LRRC4C: variants seen among roughly 807,000 people sequenced by gnomAD.
LRRC4C encodes the protein leucine rich repeat containing 4C, also known as leucine-rich repeat-containing protein 4C.
A neutral mutation model predicts 33.6 loss-of-function variants in LRRC4C; 5 were observed. The observed-to-expected ratio is 0.15, with a 90% CI of 0.08 to 0.31. LRRC4C has a LOEUF of 0.31. Ranked by LOEUF, LRRC4C falls within the 10% of genes least tolerant of loss-of-function variation. The pLI is 1.00. For synonymous variants in LRRC4C, 329 were observed against 302.0 expected (o/e 1.09, Z -0.93); for missense variants, 560 against 796.7 (o/e 0.70, Z 3.58).
intron 6 of LRRC4C, among the ~76,000 whole-genome samples, chr11:40,136,171 G>T (rs1199497028): frequency 6.6e-6 from 1 of 151,780 alleles, no homozygotes; most frequent in East Asian, 1.9e-4. Context: ...CTGAGTGGTT[G>T]TGATAAACTG....
At chr11:40,786,874 A>G (rs1009777366) in intron 2 of LRRC4C, among the ~76,000 whole-genome samples, 12 of 151,428 alleles carry the variant, frequency 7.9e-5, no homozygotes, top group African/African-American at 2.9e-4. Context: ...TCCAGAAAAC[A>G]TTTGTAATAA....
intron 1 of LRRC4C, among the ~76,000 whole-genome samples, chr11:41,081,653 T>C (rs543595363): frequency 6.6e-6 from 1 of 152,270 alleles, no homozygotes; most frequent in African/African-American, 2.4e-5. Context: ...GGGTTTCCAA[T>C]ATTTTTCTTA....
intron 5 of LRRC4C, among the ~76,000 whole-genome samples, chr11:40,207,811 A>G (rs1053190843): frequency 2.6e-5 from 4 of 152,174 alleles, no homozygotes; most frequent in African/African-American, 9.7e-5. Context: ...ATTCACACTC[A>G]GTTGAAGAGT....
At chr11:40,898,369 A>AG (rs1956058617) in intron 2 of LRRC4C, among the ~76,000 whole-genome samples, 1 of 150,406 alleles carries the variant, frequency 6.6e-6, no homozygotes, top group African/African-American at 2.4e-5. Context: ...AAAAAAAAAA[A>AG]AAAGAAAAAA....
At chr11:41,342,488 G>A (rs941926445) in intron 1 of LRRC4C, among the ~76,000 whole-genome samples, 2 of 152,144 alleles carry the variant, frequency 1.3e-5, no homozygotes, top group African/African-American at 2.4e-5. Context: ...GCTGAGGGGG[G>A]TGGACCACTT....
chr11:41,253,338 A>G (rs1182449881), intron 1 of LRRC4C, among the ~76,000 whole-genome samples: 1 of 152,132 alleles, frequency 6.6e-6, no homozygotes, highest in East Asian at 1.9e-4. Flanking sequence ...TTCAATGTTC[A>G]TTAAGCAAAG....
At chr11:40,315,220 A>T (rs1393302768) in intron 4 of LRRC4C, among the ~76,000 whole-genome samples, 1 of 151,818 alleles carries the variant, frequency 6.6e-6, no homozygotes, top group Non-Finnish European at 1.5e-5. Flanking sequence ...GGAAAAAATG[A>T]AAAAATTAAA....
intron 1 of LRRC4C, among the ~76,000 whole-genome samples, chr11:41,393,231 G>A (rs909231638): frequency 3.3e-5 from 5 of 151,888 alleles, no homozygotes; most frequent in South Asian, 2.1e-4. Flanking sequence ...TATTGTTTAC[G>A]GGAACCATCT....
chr11:41,339,439 C>T lies in LRRC4C; in HGVS notation c.-496+119992G>A, dbSNP rs148554998. On this transcript the variant is annotated intron_variant, in intron 1 of 6. Coordinates refer to ENST00000528697, the MANE Select transcript of LRRC4C (RefSeq NM_001258419.2). ...TAGTAAGCTTTGTCTATGACTAAAC[C>T]AGCAATAGGCCAAATGAAATGCAAA... Among the ~76,000 whole-genome samples the T allele has an allele frequency of 4.3e-3, 647 of 152,080 alleles. 3 individuals carry two copies. The highest frequency in any genetic ancestry group is 0.014 in the African/African-American group (570 of 41,478).
At chr11:41,274,840 A>G (rs1463033049) in intron 1 of LRRC4C, among the ~76,000 whole-genome samples, 5 of 152,114 alleles carry the variant, frequency 3.3e-5, no homozygotes, top group Admixed American at 1.3e-4. Context: ...CAGCGAGACC[A>G]CGAACCCACC....
At chr11:41,113,863 C>A (rs1941978213) in intron 1 of LRRC4C, among the ~76,000 whole-genome samples, 1 of 151,992 alleles carries the variant, frequency 6.6e-6, no homozygotes, top group Non-Finnish European at 1.5e-5. Context: ...AAAACAATCT[C>A]TTTAACAGAA....
At chr11:40,458,084 C>T (rs147777474) in intron 3 of LRRC4C, among the ~76,000 whole-genome samples, 1 of 152,178 alleles carries the variant, frequency 6.6e-6, no homozygotes, top group Non-Finnish European at 1.5e-5. Context: ...TCTTTCTTTA[C>T]TCGTTTCTGA....
chr11:40,327,658 A>C (rs1184754653), intron 3 of LRRC4C, among the ~76,000 whole-genome samples: 1 of 152,072 alleles, frequency 6.6e-6, no homozygotes, highest in Non-Finnish European at 1.5e-5. Context: ...TTTACTGTGA[A>C]TTAGCTATGC....
At chr11:41,054,235 C>G (rs938659962) in intron 1 of LRRC4C, among the ~76,000 whole-genome samples, 11 of 152,106 alleles carry the variant, frequency 7.2e-5, no homozygotes, top group African/African-American at 2.7e-4. Context: ...GAGAAGAAAG[C>G]TATATCTTAT....
At chr11:41,253,237 A>C (rs1410031398) in intron 1 of LRRC4C, among the ~76,000 whole-genome samples, 1 of 152,122 alleles carries the variant, frequency 6.6e-6, no homozygotes, top group Non-Finnish European at 1.5e-5. Flanking sequence ...ATGGGTCTGT[A>C]CATTATAATC....
chr11:40,196,036 T>A (rs539806628), intron 5 of LRRC4C, among the ~76,000 whole-genome samples: 1 of 152,330 alleles, frequency 6.6e-6, no homozygotes, highest in African/African-American at 2.4e-5. Flanking sequence ...GCTTAAAGAA[T>A]TCTGCATTTT....
At chr11:40,613,551 T>C (rs1239535537) in intron 3 of LRRC4C, among the ~76,000 whole-genome samples, 2 of 151,798 alleles carry the variant, frequency 1.3e-5, no homozygotes, top group South Asian at 2.1e-4. Flanking sequence ...CTCAAAGTCA[T>C]CCATGAGAGC....
intron 6 of LRRC4C, among the ~76,000 whole-genome samples, chr11:40,128,156 A>G (rs551032335): frequency 6.6e-6 from 1 of 152,318 alleles, no homozygotes; most frequent in African/African-American, 2.4e-5. Flanking sequence ...AGTAGGAATG[A>G]TGATAACAAT....
intron 1 of LRRC4C, among the ~76,000 whole-genome samples, chr11:41,104,137 T>C (rs1406835810): frequency 6.6e-6 from 1 of 151,904 alleles, no homozygotes; most frequent in Non-Finnish European, 1.5e-5. Flanking sequence ...TAACTTTTGC[T>C]TCTCAAAAGA....
Sources: allele counts gnomAD v4.1 joint callset (sites outside exome capture counted in the v4.1 genomes callset), GRCh38; gene constraint gnomAD v4.1.1; transcripts MANE v1.5; gene names NCBI Gene and HGNC (gene_info 2026-07-23, HGNC 2026-07-21).